The following PDLIM5 variants were observed in gnomAD, a reference collection of about 807,000 sequenced individuals.
The protein encoded by PDLIM5 is PDZ and LIM domain 5.
In PDLIM5, 34 loss-of-function variants were observed where a neutral mutation model predicts 64.2. That is an observed-to-expected ratio of 0.53 (90% confidence interval 0.40 to 0.71). The LOEUF (loss-of-function observed/expected upper bound fraction) is 0.71. PDLIM5 is among the 30% of genes least tolerant of loss of function. The pLI is 0.00. For missense variants in PDLIM5, 683 were observed against 733.6 expected (o/e 0.93, Z 0.80); for synonymous variants, 253 against 269.1 (o/e 0.94, Z 0.59).
intron 7 of PDLIM5, among the ~76,000 whole-genome samples, chr4:94,590,190 C>T (rs753176653): frequency 9.2e-5 from 14 of 152,164 alleles, no homozygotes; most frequent in Admixed American, 2.6e-4. Context: ...AGCATTCTTT[C>T]GTGCATCATT....
rs1743054892 is a variant in PDLIM5 at position 94,665,836 on chromosome 4, G to A, written c.*1769G>A. The A allele has an allele frequency of 2.2e-6, 3 of 1,344,782 alleles. No homozygotes were observed. Among genetic ancestry groups the A allele is most frequent in the Non-Finnish European group, 1.9e-6 (2 of 1,053,254 alleles). The allele number at this position is 1,344,782 out of a possible 1,614,324, so 83.3% of individuals were successfully genotyped here. ...GAAAGCTTTTATTCACAGAGGTTGG[G>A]TAGTGTTGGGAGGGGAGTTTAATTA... is the stretch of plus-strand genomic sequence containing the variant. On this transcript the variant is annotated 3_prime_UTR_variant, in exon 13 of 13. Transcript: ENST00000317968.
chr4:94,587,754 T>C (rs1736355064), intron 7 of PDLIM5: 29 of 980,114 alleles, frequency 3.0e-5, no homozygotes, highest in Non-Finnish European at 3.4e-5. Context: ...TTTGGTTTGG[T>C]TGGATTTGCA....
intron 5 of PDLIM5, among the ~76,000 whole-genome samples, chr4:94,576,623 G>C (rs999888043): frequency 6.6e-6 from 1 of 152,184 alleles, no homozygotes; most frequent in Admixed American, 6.5e-5. Flanking sequence ...AAACAACAAG[G>C]CACGCTTAGA....
chr4:94,628,444 A>G (rs899499842), intron 8 of PDLIM5, among the ~76,000 whole-genome samples: 2 of 152,172 alleles, frequency 1.3e-5, no homozygotes, highest in African/African-American at 2.4e-5. Flanking sequence ...GAGTATCCCA[A>G]TTTTTAAATT....
At chr4:94,485,881 A>G (rs1433233363) in intron 2 of PDLIM5, among the ~76,000 whole-genome samples, 4 of 151,122 alleles carry the variant, frequency 2.6e-5, no homozygotes, top group African/African-American at 4.9e-5. Context: ...AAGAAATATT[A>G]TCTCTGATGG....
chr4:94,586,385 G>A (rs1690874409), intron 6 of PDLIM5, 23 bp from the exon 7 acceptor site: 5 of 1,314,374 alleles, frequency 3.8e-6, no homozygotes, highest in South Asian at 3.7e-5. Flanking sequence ...AACTAATATT[G>A]GATATTGCTT....
At chr4:94,659,933 G>C (rs1473286912) in intron 11 of PDLIM5, among the ~76,000 whole-genome samples, 31 of 143,452 alleles carry the variant, frequency 2.2e-4, no homozygotes, top group African/African-American at 7.4e-4. Context: ...GTCTCACTCT[G>C]TCACCCAGGC....
intron 8 of PDLIM5, among the ~76,000 whole-genome samples, chr4:94,628,717 G>A (rs528139583): frequency 1.4e-4 from 22 of 152,168 alleles, no homozygotes; most frequent in African/African-American, 5.3e-4. Context: ...TTGGAAGTAA[G>A]ACATGTCAGA....
At chr4:94,473,590 CT>C (rs1725067449) in intron 2 of PDLIM5, among the ~76,000 whole-genome samples, 1 of 152,172 alleles carries the variant, frequency 6.6e-6, no homozygotes, top group South Asian at 2.1e-4. Flanking sequence ...AAGGTAGATA[CT>C]TCTCAAAATT....
At chr4:94,620,495 C>T (rs1007431689) in intron 8 of PDLIM5, among the ~76,000 whole-genome samples, 1 of 151,844 alleles carries the variant, frequency 6.6e-6, no homozygotes, top group Admixed American at 6.6e-5. Flanking sequence ...TGTGATTGCA[C>T]CACTACACTC....
chr4:94,661,041 G>A (rs534210046), intron 11 of PDLIM5, among the ~76,000 whole-genome samples: 2 of 151,950 alleles, frequency 1.3e-5, no homozygotes, highest in Non-Finnish European at 2.9e-5. Context: ...CCGAGATCGC[G>A]CCACTACACT....
intron 7 of PDLIM5, among the ~76,000 whole-genome samples, chr4:94,606,271 G>A (rs996768546): frequency 2.0e-5 from 3 of 152,110 alleles, no homozygotes; most frequent in Non-Finnish European, 2.9e-5. Context: ...GACACAAATT[G>A]TATAATAATA....
intron 1 of PDLIM5, among the ~76,000 whole-genome samples, chr4:94,454,910 A>C (rs1370849419): frequency 6.6e-6 from 1 of 152,190 alleles, no homozygotes. Context: ...ATTCAACCTG[A>C]AATAAAATCT....
chr4:94,642,831 C>T (rs556798205), intron 9 of PDLIM5, among the ~76,000 whole-genome samples: 1 of 152,264 alleles, frequency 6.6e-6, no homozygotes, highest in Admixed American at 6.5e-5. Flanking sequence ...GTTTTAAAAA[C>T]GAGCTGTAGT....
rs142495810 is a variant in PDLIM5, at chr4:94,648,693, G to A, written c.1284-5767G>A. Among the ~76,000 whole-genome samples the A allele has an allele frequency of 5.0e-3, 762 of 152,332 alleles. 7 individuals are homozygous for A. Among genetic ancestry groups the A allele is most frequent in the African/African-American group, 0.017 (722 of 41,570 alleles). ...CTGAAATCATGGTGTCAGCTGAGCT[G>A]AAGTTATCATGTAGAGATCCAGATC... On this transcript the variant is annotated intron_variant, in intron 9 of 12. Transcript: ENST00000317968.
At chr4:94,639,759 T>A (rs538415445) in intron 8 of PDLIM5, among the ~76,000 whole-genome samples, 1 of 152,318 alleles carries the variant, frequency 6.6e-6, no homozygotes, top group African/African-American at 2.4e-5. Context: ...ATAACTCACC[T>A]TCAATATTTA....
At chr4:94,658,080 A>G (rs1484381616) in intron 11 of PDLIM5, among the ~76,000 whole-genome samples, 1 of 152,256 alleles carries the variant, frequency 6.6e-6, no homozygotes, top group Non-Finnish European at 1.5e-5. Flanking sequence ...ATTACTTAGT[A>G]GGAAAAATAT....
chr4:94,530,510 A>AATATATATATATAT (rs36209951), intron 3 of PDLIM5, among the ~76,000 whole-genome samples: 364 of 140,382 alleles, frequency 2.6e-3, no homozygotes, highest in African/African-American at 6.4e-3. Flanking sequence ...GGAATCACAG[A>AATATATATATATAT]ATATATATAT....
chr4:94,545,780 CT>C (rs2110196896), intron 3 of PDLIM5, among the ~76,000 whole-genome samples: 1 of 152,274 alleles, frequency 6.6e-6, no homozygotes, highest in South Asian at 2.1e-4. Context: ...GCATTTCACA[CT>C]TGTGTAAGCC....
Sources: gnomAD v4.1 joint callset for allele counts (sites outside exome capture counted in the v4.1 genomes callset) on GRCh38, gnomAD v4.1.1 for gene constraint, MANE v1.5 for transcripts, NCBI Gene and HGNC (gene_info 2026-07-23, HGNC 2026-07-21) for gene names.